Variants in PTPRT observed in about 807,000 individuals in gnomAD.
The protein encoded by PTPRT is protein tyrosine phosphatase receptor type T.
PTPRT carries 56 observed loss-of-function variants against 176.8 expected under a neutral mutation model. That is an observed-to-expected ratio of 0.32 (90% CI 0.26 to 0.40). The LOEUF (loss-of-function observed/expected upper bound fraction) is 0.40. PTPRT is among the 10% of genes least tolerant of loss of function. The pLI is 1.00. For missense variants in PTPRT, 1,540 were observed against 1,908.2 expected (o/e 0.81, Z 3.60); for synonymous variants, 783 against 739.0 (o/e 1.06, Z -0.96).
chr20:42,735,876 C>T (rs1230286984), intron 6 of PTPRT, among the ~76,000 whole-genome samples: 1 of 152,128 alleles, frequency 6.6e-6, no homozygotes, highest in Non-Finnish European at 1.5e-5. Context: ...CAACTTCACT[C>T]TAGTTGTCTG....
intron 2 of PTPRT, among the ~76,000 whole-genome samples, chr20:42,814,148 C>T (rs531749239): frequency 2.1e-4 from 32 of 152,220 alleles, no homozygotes; most frequent in Admixed American, 2.0e-3. Flanking sequence ...CCTAGCTATA[C>T]CTCTCCACAT....
chr20:43,127,627 C>T (rs1003234959), intron 1 of PTPRT, among the ~76,000 whole-genome samples: 2 of 152,146 alleles, frequency 1.3e-5, no homozygotes, highest in African/African-American at 4.8e-5. Flanking sequence ...GGCCATCACA[C>T]TGAGGCACAA....
chr20:42,715,729 T>C (rs1002380993), intron 6 of PTPRT, among the ~76,000 whole-genome samples: 1 of 152,098 alleles, frequency 6.6e-6, no homozygotes, highest in African/African-American at 2.4e-5. Flanking sequence ...CCAAGAGAGA[T>C]ACCATATTCA....
intron 6 of PTPRT, chr20:42,687,219 A>G (rs2075712790): frequency 6.6e-6 from 1 of 152,144 alleles, no homozygotes; most frequent in Non-Finnish European, 1.5e-5. Flanking sequence ...ATCCCATCAA[A>G]CGCATTCCCC....
At chr20:42,102,413 C>A (rs1037337712) in intron 25 of PTPRT, 116 bp from the exon 26 acceptor site, 25 of 1,093,328 alleles carry the variant, frequency 2.3e-5, no homozygotes, top group Non-Finnish European at 3.1e-5. Flanking sequence ...TAAGCGCAGC[C>A]CCACTCTCCC....
chr20:43,148,157 A>G (rs2014231767), intron 1 of PTPRT, among the ~76,000 whole-genome samples: 1 of 152,110 alleles, frequency 6.6e-6, no homozygotes, highest in South Asian at 2.1e-4. Context: ...CATCTTGGCC[A>G]CACCCTCACA....
intron 8 of PTPRT, among the ~76,000 whole-genome samples, chr20:42,461,899 G>A (rs1180995879): frequency 6.6e-6 from 1 of 151,780 alleles, no homozygotes; most frequent in African/African-American, 2.4e-5. Flanking sequence ...TTTAAAGATG[G>A]GAGAAATACA....
At position 42,110,506 on chromosome 20, in the gene PTPRT, T is replaced by G. The variant is rs751081375; in HGVS notation, c.3100-19A>C. The G allele has an allele frequency of 9.5e-6, 15 of 1,575,104 alleles. No individual in the cohort carries two copies. The highest frequency in any genetic ancestry group is 2.7e-5 in the African/African-American group (2 of 73,936). ...AGCCTTTCTGAGGAAAGAACGGGCCTCTGTTCTTCCAGCTGCTGCCCTCGC... is the reference window on the plus strand; with the variant it reads ...AGCCTTTCTGAGGAAAGAACGGGCCGCTGTTCTTCCAGCTGCTGCCCTCGC... On this transcript the variant is annotated intron_variant, in intron 22 of 30. Coordinates refer to ENST00000373187, the MANE Select transcript of PTPRT (RefSeq NM_007050.6).
At chr20:43,023,939 G>A (rs1307134076) in intron 1 of PTPRT, among the ~76,000 whole-genome samples, 1 of 152,070 alleles carries the variant, frequency 6.6e-6, no homozygotes, top group African/African-American at 2.4e-5. Context: ...TATTCCCAGG[G>A]ATGCCTAATG....
In PTPRT at chr20:42,475,675, C is replaced by T. The variant is rs536108610; in HGVS notation, c.1154-3113G>A. Among the ~76,000 whole-genome samples the T allele has an allele frequency of 2.7e-4, 41 of 152,256 alleles. No homozygotes were observed. The South Asian group carries it at 8.1e-3, about 30-fold the overall frequency. ...TTGGGTCTCAGGAGCCTAGGACCTG[C>T]GGGAGAGAGTGGTACAGTGATGTAA... On this transcript the variant is annotated intron_variant, in intron 7 of 30. Coordinates refer to ENST00000373187, the MANE Select transcript of PTPRT (RefSeq NM_007050.6).
At chr20:43,110,215 A>G (rs1455248077) in intron 1 of PTPRT, among the ~76,000 whole-genome samples, 1 of 152,180 alleles carries the variant, frequency 6.6e-6, no homozygotes, top group Admixed American at 6.5e-5. Flanking sequence ...AGAGAAAGTG[A>G]GGAAATGCCA....
At chr20:42,416,107 C>T (rs2059063848) in intron 9 of PTPRT, among the ~76,000 whole-genome samples, 2 of 152,154 alleles carry the variant, frequency 1.3e-5, no homozygotes, top group South Asian at 4.1e-4. Context: ...TTAAGGATTT[C>T]AAGATGAGAT....
At chr20:42,767,851 CAT>C (rs1240102092) in intron 5 of PTPRT, among the ~76,000 whole-genome samples, 8 of 143,640 alleles carry the variant, frequency 5.6e-5, no homozygotes, top group African/African-American at 1.8e-4. Context: ...CATATAATAA[CAT>C]AATTTGTTAT....
intron 7 of PTPRT, among the ~76,000 whole-genome samples, chr20:42,656,588 A>C (rs1346653507): frequency 6.6e-6 from 1 of 152,136 alleles, no homozygotes; most frequent in African/African-American, 2.4e-5. Context: ...GTGAAAACTG[A>C]CCCAATTTTT....
rs766604520 is a variant in PTPRT, at chr20:42,756,565, G to A, written c.756C>T (p.Val252=). 7 of 1,612,736 alleles carry A rather than the reference G, an allele frequency of 4.3e-6. No homozygotes were observed. Among genetic ancestry groups the A allele is most frequent in the Non-Finnish European group, 5.9e-6 (7 of 1,179,110 alleles). Residue 252 remains valine (V), a synonymous_variant, in exon 6 of 31, where the codon GTC becomes GTT. Coordinates refer to ENST00000373187, the MANE Select transcript of PTPRT (RefSeq NM_007050.6). ...VVNHRRFSAT[V]SVADTAQRSV... The stretch of plus-strand genomic sequence containing the variant: ...TCCGCTGGGCAGTGTCTGCCACACT[G>A]ACTGTGGCTGAGAAGCGCCTGTGGT...
At chr20:42,732,369 C>T (rs1384512913) in intron 6 of PTPRT, among the ~76,000 whole-genome samples, 2 of 152,140 alleles carry the variant, frequency 1.3e-5, no homozygotes, top group Non-Finnish European at 2.9e-5. Context: ...CTCTGGATAC[C>T]TATCCATAGT....
chr20:42,405,359 C>G (rs1352337713), intron 9 of PTPRT, among the ~76,000 whole-genome samples: 1 of 152,026 alleles, frequency 6.6e-6, no homozygotes, highest in Non-Finnish European at 1.5e-5. Flanking sequence ...CACCCCACAA[C>G]AGGCCCCGGT....
In PTPRT at chr20:43,146,493, T is replaced by C. The variant is rs1346831781; in HGVS notation, c.88+43153A>G. 5.9e-5 allele frequency among the ~76,000 whole-genome samples: 9 copies of C among 151,786 alleles called. No homozygotes were observed. The East Asian group carries it at 1.7e-3, about 29-fold the overall frequency. Reference sequence around the variant, plus strand: ...CAGGAGATATCTTGGGATGAGATTGTGATTAGGCCACTCTCCAAACACTAG... The same window carrying C: ...CAGGAGATATCTTGGGATGAGATTGCGATTAGGCCACTCTCCAAACACTAG... On this transcript the variant is annotated intron_variant, in intron 1 of 30. Transcript: ENST00000373187.
chr20:42,337,463 G>A (rs1343300930), intron 11 of PTPRT, among the ~76,000 whole-genome samples: 2 of 152,138 alleles, frequency 1.3e-5, no homozygotes, highest in Non-Finnish European at 2.9e-5. Flanking sequence ...GCTGTATTGT[G>A]AGTGTACAGT....
Sources: gnomAD v4.1 joint callset for allele counts (sites outside exome capture counted in the v4.1 genomes callset) on GRCh38, gnomAD v4.1.1 for gene constraint, MANE v1.5 for transcripts, NCBI Gene and HGNC (gene_info 2026-07-23, HGNC 2026-07-21) for gene names.